Variants in SLC35A1 observed in about 807,000 individuals in gnomAD.
The protein encoded by SLC35A1 is CMP-sialic acid transporter.
SLC35A1 carries 21 observed loss-of-function variants against 40.3 expected under a neutral mutation model. That is an observed-to-expected ratio of 0.52 (90% CI 0.37 to 0.75). SLC35A1 has a LOEUF of 0.75. Among genes scored for constraint, SLC35A1 ranks in the 30% least tolerant of loss-of-function variants. The pLI is 0.00. For synonymous variants in SLC35A1, 146 were observed against 147.3 expected (o/e 0.99, Z 0.06); for missense variants, 297 against 382.1 (o/e 0.78, Z 1.86).
Position 87,511,590 on chromosome 6 carries a change from C to CA in SLC35A1, c.*66dup, listed in dbSNP as rs1168044867. ...TTTGCATTAAACTAGAGCCTTAAGT[C>CA]AATCTCAGAAGGTAGCATAAACAAA... On this transcript the variant is annotated 3_prime_UTR_variant, in exon 8 of 8. Coordinates refer to ENST00000369552, the MANE Select transcript of SLC35A1 (RefSeq NM_006416.5). 1.2e-5 allele frequency: 19 copies of CA among 1,543,258 alleles called. No individual in the cohort carries two copies. The East Asian group carries it at 3.8e-4, about 31-fold the overall frequency.
chr6:87,507,244 A>C (rs932220064), intron 5 of SLC35A1, among the ~76,000 whole-genome samples: 5 of 152,210 alleles, frequency 3.3e-5, no homozygotes, highest in Non-Finnish European at 7.4e-5. Flanking sequence ...GGCTGAATAC[A>C]GAAGTAAAAT....
rs181147128 is a variant in SLC35A1 at position 87,501,204 on chromosome 6, T to G, written c.401T>G (p.Leu134Ter). Reference protein sequence around the residue: ...KIPCTALCTVLMLNRTLSKLQ... With the variant: ...KIPCTALCTV ...CCGTGTACTGCTTTATGCACTGTTT[T>G]AATGTTAAACCGGACACTCAGCAAA... The change falls in exon 4 of 8, where the codon TTA becomes TGA. Residue 134 changes from leucine (L) to a stop codon, truncating the protein, a stop_gained. Transcript: ENST00000369552. LOFTEE classifies it high-confidence loss of function. 1 of 1,614,038 alleles carries G rather than the reference T, an allele frequency of 6.2e-7. No individual in the cohort carries two copies. Among genetic ancestry groups the G allele is most frequent in the Admixed American group, 1.7e-5 (1 of 60,024 alleles).
intron 1 of SLC35A1, among the ~76,000 whole-genome samples, chr6:87,476,541 A>G (rs749225566): frequency 6.6e-6 from 1 of 152,150 alleles, no homozygotes; most frequent in Non-Finnish European, 1.5e-5. Context: ...CCTGGCCAAC[A>G]TGGTGAAACC....
At chr6:87,490,395 G>A (rs369483919) in intron 2 of SLC35A1, among the ~76,000 whole-genome samples, 7 of 147,908 alleles carry the variant, frequency 4.7e-5, no homozygotes, top group East Asian at 2.0e-4. Context: ...GTACAGTGGC[G>A]TGATTTCGGC....
At chr6:87,481,171 T>C (rs1769231916) in intron 2 of SLC35A1, among the ~76,000 whole-genome samples, 1 of 152,052 alleles carries the variant, frequency 6.6e-6, no homozygotes, top group Admixed American at 6.5e-5. Context: ...ATCCCAGCAC[T>C]TTGGGAGGCC....
chr6:87,500,755 T>A (rs1769895553), intron 3 of SLC35A1, 88 bp downstream of exon 3: 1 of 1,391,414 alleles, frequency 7.2e-7, no homozygotes, highest in Non-Finnish European at 9.9e-7. Flanking sequence ...ATCAATTTTT[T>A]TTTTTTTTTT....
intron 2 of SLC35A1, among the ~76,000 whole-genome samples, chr6:87,496,779 CA>C (rs751785939): frequency 1.1e-4 from 3 of 28,106 alleles, no homozygotes; most frequent in Non-Finnish European, 1.3e-4. Context: ...GACTCCATCT[CA>C]AAAAAAAAAA....
chr6:87,495,427 T>A (rs1276727163), intron 2 of SLC35A1, among the ~76,000 whole-genome samples: 7 of 152,184 alleles, frequency 4.6e-5, no homozygotes, highest in Non-Finnish European at 8.8e-5. Context: ...TATTCTACTG[T>A]TTCATAGTAT....
At chr6:87,477,317 A>C in intron 1 of SLC35A1, 45 bp from the exon 2 acceptor site, 1 of 1,447,430 alleles carries the variant, frequency 6.9e-7, no homozygotes, top group Non-Finnish European at 9.6e-7. Flanking sequence ...TTATATATAC[A>C]TATATTGTCT....
Position 87,512,164 on chromosome 6 carries a change from A to ATAT in SLC35A1, c.*640_*642dup, listed in dbSNP as rs1770305792. The ATAT allele has an allele frequency of 6.5e-6, 1 of 152,878 alleles. No homozygotes were observed. Among genetic ancestry groups the ATAT allele is most frequent in the South Asian group, 2.1e-4 (1 of 4,836 alleles). 9.5% of individuals were successfully genotyped at this position (152,878 alleles called of 1,614,324 possible). ...ATTTGTGCCATTCATTATCTGGTTC[A>ATAT]TATTTCTTTTCTGTTAGATGATACA... On this transcript the variant is annotated 3_prime_UTR_variant, in exon 8 of 8. Coordinates refer to ENST00000369552, the MANE Select transcript of SLC35A1 (RefSeq NM_006416.5).
At chr6:87,480,054 A>G (rs987511726) in intron 2 of SLC35A1, among the ~76,000 whole-genome samples, 1 of 152,270 alleles carries the variant, frequency 6.6e-6, no homozygotes, top group African/African-American at 2.4e-5. Flanking sequence ...AAGGTCCTCC[A>G]TAATACCACC....
Position 87,511,628 on chromosome 6 carries a change from GT to G in SLC35A1, c.*103del, listed in dbSNP as rs775360408. 165 of 1,281,464 alleles carry G rather than the reference GT, an allele frequency of 1.3e-4. No individual in the cohort carries two copies. In the South Asian group the frequency reaches 1.9e-3, roughly 14 times the overall value. 79.4% of individuals were successfully genotyped at this position (1,281,464 alleles called of 1,614,324 possible). A position where few individuals can be genotyped will look rare whatever the true frequency, so the allele number is the denominator to read the frequency against. On this transcript the variant is annotated 3_prime_UTR_variant, in exon 8 of 8. Transcript: ENST00000369552. ...TAGCATAAACAAATAAAAATTAACT[GT>G]ATGGCATGATCAGTGCGGTTATGTG... is the stretch of plus-strand genomic sequence containing the variant.
intron 2 of SLC35A1, among the ~76,000 whole-genome samples, chr6:87,493,051 C>G (rs962262275): frequency 6.6e-6 from 1 of 152,114 alleles, no homozygotes; most frequent in Non-Finnish European, 1.5e-5. Flanking sequence ...TTCATCATTA[C>G]CTATACATTT....
intron 2 of SLC35A1, among the ~76,000 whole-genome samples, chr6:87,490,699 C>G (rs1769525796): frequency 1.3e-5 from 2 of 151,930 alleles, no homozygotes; most frequent in Admixed American, 6.6e-5. Flanking sequence ...GAAAACTAGG[C>G]AAAAAATATG....
In SLC35A1 at chr6:87,501,328, C is replaced by T; in HGVS notation, c.507+18C>T. ...AAGTGGTGGTAAGAAACAAAATGCA[C>T]ACCATAACTTCCCATAAATAGAAAA... On this transcript the variant is annotated intron_variant, in intron 4 of 7. Transcript: ENST00000369552. The T allele has an allele frequency of 6.2e-7, 1 of 1,610,342 alleles. No individual in the cohort carries two copies. Among genetic ancestry groups the T allele is most frequent in the Non-Finnish European group, 8.5e-7 (1 of 1,177,594 alleles).
chr6:87,508,352 C>G, intron 5 of SLC35A1, 68 bp from the exon 6 acceptor site: 2 of 1,071,798 alleles, frequency 1.9e-6, no homozygotes, highest in East Asian at 2.6e-5. Context: ...GGGTATTGTT[C>G]TAAATGAAAG....
intron 4 of SLC35A1, among the ~76,000 whole-genome samples, chr6:87,505,783 G>A (rs1770060979): frequency 6.6e-6 from 1 of 152,164 alleles, no homozygotes; most frequent in Non-Finnish European, 1.5e-5. Flanking sequence ...TGAGGACAGA[G>A]CCTTCATGAC....
intron 1 of SLC35A1, among the ~76,000 whole-genome samples, chr6:87,473,695 G>A (rs2127961012): frequency 6.6e-6 from 1 of 152,338 alleles, no homozygotes; most frequent in South Asian, 2.1e-4. Context: ...CGTATTTGTT[G>A]ACTAATTGAC....
intron 4 of SLC35A1, 82 bp downstream of exon 4, chr6:87,501,392 T>G: frequency 7.5e-7 from 1 of 1,342,210 alleles, no homozygotes; most frequent in Admixed American, 1.9e-5. Context: ...CATTGATGCA[T>G]GCAGCATGAC....
Sources: allele counts gnomAD v4.1 joint callset (sites outside exome capture counted in the v4.1 genomes callset), GRCh38; gene constraint gnomAD v4.1.1; transcripts MANE v1.5; gene names NCBI Gene and HGNC (gene_info 2026-07-23, HGNC 2026-07-21).